The following CLASP1 variants were observed in gnomAD, a reference collection of about 807,000 sequenced individuals.
CLASP1 encodes CLIP-associating protein 1.
A neutral mutation model predicts 192.3 loss-of-function variants in CLASP1; 38 were observed. The observed-to-expected ratio is 0.20, with a 90% CI of 0.15 to 0.26. The LOEUF (loss-of-function observed/expected upper bound fraction) is 0.26. Among genes scored for constraint, CLASP1 ranks in the 10% least tolerant of loss-of-function variants. The probability of loss-of-function intolerance (pLI) is 1.00; values close to 1 mark genes in which losing one functional copy is unlikely to be tolerated. For synonymous variants in CLASP1, 691 were observed against 712.8 expected (o/e 0.97, Z 0.49); for missense variants, 1,433 against 1,932.5 (o/e 0.74, Z 4.85).
At chr2:121,383,494 C>T (rs2072276383) in intron 32 of CLASP1, among the ~76,000 whole-genome samples, 1 of 151,986 alleles carries the variant, frequency 6.6e-6, no homozygotes, top group Non-Finnish European at 1.5e-5. Flanking sequence ...AGTGGCAGAA[C>T]ACCCACCTCC....
chr2:121,496,199 A>G (rs959314813), intron 8 of CLASP1, among the ~76,000 whole-genome samples: 1 of 152,250 alleles, frequency 6.6e-6, no homozygotes, highest in African/African-American at 2.4e-5. Context: ...TTTGTTGCCT[A>G]GTCCTTAGCT....
At chr2:121,538,819 T>C (rs60246540) in intron 2 of CLASP1, among the ~76,000 whole-genome samples, 184 of 151,778 alleles carry the variant, frequency 1.2e-3, no homozygotes, top group African/African-American at 4.1e-3. Context: ...AAAGGTGCAT[T>C]ATAAAATTAA....
chr2:121,500,406 A>G (rs2093712438), intron 8 of CLASP1, among the ~76,000 whole-genome samples: 3 of 147,606 alleles, frequency 2.0e-5, no homozygotes, highest in African/African-American at 7.4e-5. Context: ...GAAAAGAAAG[A>G]AAGAAAGAAA....
At chr2:121,610,631 AGG>A (rs2065197248) in intron 1 of CLASP1, among the ~76,000 whole-genome samples, 1 of 148,196 alleles carries the variant, frequency 6.7e-6, no homozygotes, top group Admixed American at 6.7e-5. Context: ...CTGGAGGAGG[AGG>A]AGGAGTTACA....
chr2:121,560,911 T>G (rs372920882), intron 2 of CLASP1, among the ~76,000 whole-genome samples: 2 of 152,170 alleles, frequency 1.3e-5, no homozygotes, highest in African/African-American at 4.8e-5. Flanking sequence ...ATTTTTGTTT[T>G]TTTTGTTTGT....
At chr2:121,618,777 T>C (rs1023575163) in intron 1 of CLASP1, among the ~76,000 whole-genome samples, 1 of 152,232 alleles carries the variant, frequency 6.6e-6, no homozygotes, top group East Asian at 1.9e-4. Flanking sequence ...TCTGTAATTC[T>C]AGATACTAAG....
At chr2:121,518,418 C>T (rs896241231) in intron 6 of CLASP1, among the ~76,000 whole-genome samples, 7 of 151,928 alleles carry the variant, frequency 4.6e-5, no homozygotes, top group South Asian at 2.1e-4. Flanking sequence ...AGAGCCCCAA[C>T]CAGAACCCGG....
At chr2:121,459,677 C>A (rs2087484978) in intron 12 of CLASP1, 1 of 230,202 alleles carries the variant, frequency 4.3e-6, no homozygotes. Context: ...CAGCAAAAAT[C>A]AATGAAAAAT....
chr2:121,380,306 A>G (rs1025749265), intron 33 of CLASP1, among the ~76,000 whole-genome samples: 3 of 152,326 alleles, frequency 2.0e-5, no homozygotes, highest in Admixed American at 1.3e-4. Context: ...TCAATCTGCC[A>G]TCTGCCCCAC....
chr2:121,399,898 C>G (rs912590919), intron 28 of CLASP1, among the ~76,000 whole-genome samples: 4 of 152,192 alleles, frequency 2.6e-5, no homozygotes, highest in Admixed American at 6.5e-5. Flanking sequence ...TTCACAGTAT[C>G]TTAAAAAATT....
At chr2:121,589,435 G>A (rs534011484) in intron 2 of CLASP1, among the ~76,000 whole-genome samples, 152 of 152,136 alleles carry the variant, frequency 1.0e-3, no homozygotes, top group African/African-American at 3.4e-3. Flanking sequence ...TTTGAGATCC[G>A]CCTGGCCAAC....
chr2:121,494,638 T>C lies in CLASP1; in HGVS notation c.712+8529A>G, dbSNP rs144985139. On this transcript the variant is annotated intron_variant, in intron 8 of 39. Coordinates refer to ENST00000263710, the Ensembl canonical transcript of CLASP1. Reference sequence around the variant, plus strand: ...ACACAAGAAATGATAAATGCTTGAGTTGATGGATACCCTACTTACCTTGAT... The same window carrying C: ...ACACAAGAAATGATAAATGCTTGAGCTGATGGATACCCTACTTACCTTGAT... Among the ~76,000 whole-genome samples, 26 of 152,242 alleles carry C rather than the reference T, an allele frequency of 1.7e-4. No individual in the cohort carries two copies. The East Asian group carries it at 5.0e-3, about 29-fold the overall frequency.
intron 1 of CLASP1, among the ~76,000 whole-genome samples, chr2:121,644,975 A>G (rs1421074711): frequency 6.6e-6 from 1 of 151,996 alleles, no homozygotes; most frequent in East Asian, 1.9e-4. Context: ...ACAAAAAAAA[A>G]AAAAACAAGA....
intron 24 of CLASP1, chr2:121,409,115 G>A: frequency 7.5e-7 from 1 of 1,326,528 alleles, no homozygotes; most frequent in Non-Finnish European, 1.0e-6. Flanking sequence ...CATATGTAGG[G>A]ATTGTTCTTG....
chr2:121,530,776 G>A (rs1040445493), intron 2 of CLASP1: 1 of 561,350 alleles, frequency 1.8e-6, no homozygotes, highest in Admixed American at 2.9e-5. Context: ...GAGGCTGGAG[G>A]TAAGCTAGCT....
intron 2 of CLASP1, among the ~76,000 whole-genome samples, chr2:121,546,629 G>A (rs1000804886): frequency 1.3e-5 from 2 of 151,958 alleles, no homozygotes; most frequent in Non-Finnish European, 2.9e-5. Flanking sequence ...ACTGCCTCAT[G>A]AACCCACTCC....
chr2:121,556,168 T>C (rs1171799985), intron 2 of CLASP1, among the ~76,000 whole-genome samples: 1 of 151,916 alleles, frequency 6.6e-6, no homozygotes, highest in African/African-American at 2.4e-5. Context: ...ATTTTTTGTA[T>C]AAAGATAGGG....
exon 13 of CLASP1, chr2:121,458,952 T>C (rs772245591): frequency 1.2e-6 from 2 of 1,612,632 alleles, no homozygotes; most frequent in East Asian, 2.2e-5. Flanking sequence ...GTCAAACTTA[T>C]TCCCCAGAAC....
chr2:121,404,397 G>T, exon 26 of CLASP1: 1 of 1,612,338 alleles, frequency 6.2e-7, no homozygotes, highest in Non-Finnish European at 8.5e-7. Flanking sequence ...GCAAACATCC[G>T]AGTGAAGATC....
Sources: gnomAD v4.1 joint callset for allele counts (sites outside exome capture counted in the v4.1 genomes callset) on GRCh38, gnomAD v4.1.1 for gene constraint, MANE v1.5 for transcripts, NCBI Gene and HGNC (gene_info 2026-07-23, HGNC 2026-07-21) for gene names.